Variants in PYCR3 observed in about 807,000 individuals in gnomAD.
PYCR3 encodes pyrroline-5-carboxylate reductase 3, also known as P5C reductase 3.
Under a neutral mutation model 23.4 loss-of-function variants are expected in PYCR3, and 26 were observed. That is an observed-to-expected ratio of 1.11 (90% CI 0.81 to 1.54). The LOEUF is 1.54. Ranked by LOEUF, PYCR3 falls within the 40% of genes most tolerant of loss-of-function variation. The pLI is 0.00. For synonymous variants in PYCR3, 194 were observed against 162.6 expected (o/e 1.19, Z -1.47); for missense variants, 360 against 376.3 (o/e 0.96, Z 0.36).
intron 1 of PYCR3, chr8:143,608,523 G>A (rs933217739): frequency 1.9e-5 from 6 of 321,020 alleles, no homozygotes; most frequent in African/African-American, 6.5e-5. Flanking sequence ...CCCAATCGGG[G>A]CCCAGGTTCT....
chr8:143,608,903 C>T (rs774486312), intron 1 of PYCR3: 1 of 456,838 alleles, frequency 2.2e-6, no homozygotes, highest in South Asian at 1.5e-5. Context: ...AAAAGTCACC[C>T]AGCTCTCCCT....
At position 143,604,809 on chromosome 8, in the gene PYCR3, C is replaced by G; in HGVS notation, c.*891G>C. On this transcript the variant is annotated 3_prime_UTR_variant, in exon 6 of 6. Coordinates refer to ENST00000495276, the MANE Select transcript of PYCR3 (RefSeq NM_023078.6). ...GGACAGGTGGAGGGGCCAAGTCTTG[C>G]CATCAGAGGCCAGTGTGGTGGTGCC... The G allele has an allele frequency of 2.2e-6, 1 of 444,682 alleles. No individual in the cohort carries two copies. The highest frequency in any genetic ancestry group is 2.6e-5 in the Admixed American group (1 of 38,398). The allele number at this position is 444,682 out of a possible 1,614,324, so 27.5% of individuals were successfully genotyped here.
intron 4 of PYCR3, 83 bp from the exon 5 acceptor site, chr8:143,606,237 T>A: frequency 1.5e-6 from 2 of 1,370,270 alleles, no homozygotes; most frequent in South Asian, 1.3e-5. Flanking sequence ...CCCAGAGCAG[T>A]AGCCGTGGGT....
At chr8:143,609,406 C>A in intron 1 of PYCR3, 52 bp downstream of exon 1, 1 of 1,434,898 alleles carries the variant, frequency 7.0e-7, no homozygotes, top group Non-Finnish European at 9.1e-7. Context: ...AGGACACCTC[C>A]CACGGGGCTG....
intron 2 of PYCR3, among the ~76,000 whole-genome samples, chr8:143,607,686 A>G (rs1829441381): frequency 6.6e-6 from 1 of 152,178 alleles, no homozygotes; most frequent in Non-Finnish European, 1.5e-5. Flanking sequence ...ACACACACGC[A>G]CACACATGCA....
rs1014935324 is a variant in PYCR3 at position 143,609,357 on chromosome 8, G to A, written c.91+101C>T. ...GCTGCGCCCAGCGGAGCGGAGACCCGGTTGGCTGGGCCCGCGCCCCCGGCC... is the reference window on the plus strand; with the variant it reads ...GCTGCGCCCAGCGGAGCGGAGACCCAGTTGGCTGGGCCCGCGCCCCCGGCC... On this transcript the variant is annotated intron_variant, in intron 1 of 5. Transcript: ENST00000495276. 1.2e-5 allele frequency: 16 copies of A among 1,297,034 alleles called. No individual in the cohort carries two copies. In the African/African-American group the frequency reaches 1.3e-4, roughly 10 times the overall value. The allele number at this position is 1,297,034 out of a possible 1,614,324, so 80.3% of individuals were successfully genotyped here.
At chr8:143,606,180 G>C (rs755731950) in intron 4 of PYCR3, 26 bp from the exon 5 acceptor site, 66 of 1,583,034 alleles carry the variant, frequency 4.2e-5, no homozygotes, top group Non-Finnish European at 5.3e-5. Flanking sequence ...GGTGGTTGGG[G>C]GGGATAGGTG....
chr8:143,607,762 CACAT>C (rs34360518), intron 2 of PYCR3, among the ~76,000 whole-genome samples: 85,635 of 151,748 alleles, frequency 0.56, 26,272 homozygotes, highest in Non-Finnish European at 0.68. Context: ...CGCACATGAG[CACAT>C]ACATACACAC....
chr8:143,605,716 T>A lies in PYCR3; in HGVS notation c.809A>T (p.Glu270Val), dbSNP rs1253404489. 1 of 1,599,756 alleles carries A rather than the reference T, an allele frequency of 6.3e-7. No homozygotes were observed. The highest frequency in any genetic ancestry group is 1.1e-5 in the South Asian group (1 of 90,656). The change falls in exon 6 of 6, where the codon GAG becomes GTG. Residue 270 changes from glutamate to valine, a missense_variant. Transcript: ENST00000495276. ...GAGCCCAGCCTACTTTCTGCTGAGC[T>A]CCTTGGCCCGGCAGGTGGCAGCCTC... ...AVEAATCRAK[E>V]LSRK is the part of the protein sequence containing the mutation.
intron 1 of PYCR3, 125 bp from the exon 2 acceptor site, chr8:143,608,251 G>T: frequency 1.4e-6 from 1 of 707,116 alleles, no homozygotes; most frequent in Non-Finnish European, 2.4e-6. Flanking sequence ...CCCCCTCCTG[G>T]CCCCAGGAAC....
At position 143,605,740 on chromosome 8, in the gene PYCR3, T is replaced by G; in HGVS notation, c.785A>C (p.Glu262Ala). The change falls in exon 6 of 6, where the codon GAG (glutamate) becomes GCG (alanine). Residue 262 changes from glutamate (E) to alanine (A), a missense_variant. By Grantham distance (107) the Glu-to-Ala change is moderately radical (BLOSUM62 -1). Coordinates refer to ENST00000495276, the MANE Select transcript of PYCR3 (RefSeq NM_023078.6). ...GLRAATMSAVEAATCRAKELS... is the reference protein window; with the variant it reads ...GLRAATMSAVAAATCRAKELS... ...CTCCTTGGCCCGGCAGGTGGCAGCC[T>G]CCACGGCGCTCATGGTGGCTGCTCG... 6.2e-7 allele frequency: 1 copy of G among 1,607,258 alleles called. No individual in the cohort carries two copies. Among genetic ancestry groups the G allele is most frequent in the Non-Finnish European group, 8.5e-7 (1 of 1,175,990 alleles).
Position 143,607,563 on chromosome 8 carries a change from C to A in PYCR3, c.157-431G>T, listed in dbSNP as rs553899087. ...ATGCACTCATGTGTACACGCACGCA[C>A]TCATACACGCACACACGCACTCATA... On this transcript the variant is annotated intron_variant, in intron 2 of 5. Transcript: ENST00000495276. Among the ~76,000 whole-genome samples the A allele has an allele frequency of 2.0e-3, 302 of 152,306 alleles. 2 individuals are homozygous for A. Among genetic ancestry groups the A allele is most frequent in the African/African-American group, 6.9e-3 (285 of 41,560 alleles).
chr8:143,603,449 C>A lies in PYCR3; in HGVS notation c.*2251G>T, dbSNP rs1311401810. On this transcript the variant is annotated 3_prime_UTR_variant, in exon 6 of 6. Transcript: ENST00000495276. ...GCTCCCTGCCGTGCCGAGAACTGAG[C>A]CCGTGTCTTTGTCACAGGCCCTCAC... 2.0e-5 allele frequency among the ~76,000 whole-genome samples: 3 copies of A among 152,232 alleles called. No individual in the cohort carries two copies. Among genetic ancestry groups the A allele is most frequent in the African/African-American group, 7.2e-5 (3 of 41,448 alleles).
rs777264695 is a variant in PYCR3 at position 143,606,115 on chromosome 8, T to G, written c.589A>C (p.Lys197Gln). The G allele has an allele frequency of 5.5e-5, 88 of 1,610,676 alleles. No individual in the cohort carries two copies. Among genetic ancestry groups the G allele is most frequent in the Non-Finnish European group, 7.0e-5 (82 of 1,179,194 alleles). Reference protein sequence around the residue: ...FSEALAEGAVKMGMPSSLAHR... With the variant: ...FSEALAEGAVQMGMPSSLAHR... Reference sequence around the variant, plus strand: ...GCCAGGCTGCTGGGCATGCCCATCTTGACGGCTCCTTCAGCCAGGGCCTCG... The same window carrying G: ...GCCAGGCTGCTGGGCATGCCCATCTGGACGGCTCCTTCAGCCAGGGCCTCG... Residue 197 changes from lysine (K) to glutamine (Q), a missense_variant, in exon 5 of 6, where the codon AAG becomes CAG. By Grantham distance (53) the Lys-to-Gln change is moderately conservative. Transcript: ENST00000495276.
Position 143,603,776 on chromosome 8 carries a change from T to C in PYCR3, c.*1924A>G, listed in dbSNP as rs930767416. ...CATGCCCTACAAAGCCCCCAGGTGA[T>C]GTAGAGGCCTGTAGCAGGCATGGGG... On this transcript the variant is annotated 3_prime_UTR_variant, in exon 6 of 6. Transcript: ENST00000495276. 1.2e-4 allele frequency: 19 copies of C among 152,290 alleles called. No individual in the cohort carries two copies. The highest frequency in any genetic ancestry group is 4.1e-4 in the African/African-American group (17 of 41,552). 9.4% of individuals were successfully genotyped at this position (152,290 alleles called of 1,614,324 possible).
chr8:143,609,409 C>G, intron 1 of PYCR3, 49 bp downstream of exon 1: 6 of 1,435,966 alleles, frequency 4.2e-6, no homozygotes, highest in South Asian at 1.4e-5. Context: ...ACACCTCCCA[C>G]GGGGCTGCTC....
At chr8:143,607,382 A>G (rs549903984) in intron 2 of PYCR3, among the ~76,000 whole-genome samples, 2 of 152,194 alleles carry the variant, frequency 1.3e-5, no homozygotes, top group East Asian at 3.9e-4. Context: ...GTCTGTGACC[A>G]CCACCCAGCA....
chr8:143,606,776 G>A (rs540448492), intron 3 of PYCR3, 97 bp from the exon 4 acceptor site: 10 of 1,372,738 alleles, frequency 7.3e-6, no homozygotes, highest in Middle Eastern at 2.3e-4. Flanking sequence ...GTCAGCTCGC[G>A]GTGGGCTCCA....
At chr8:143,607,805 A>G (rs982948629) in intron 2 of PYCR3, among the ~76,000 whole-genome samples, 4 of 151,982 alleles carry the variant, frequency 2.6e-5, no homozygotes, top group African/African-American at 9.7e-5. Flanking sequence ...ACATATACAC[A>G]CGTGCATATA....
Sources: allele counts gnomAD v4.1 joint callset (sites outside exome capture counted in the v4.1 genomes callset), GRCh38; gene constraint gnomAD v4.1.1; transcripts MANE v1.5; gene names NCBI Gene and HGNC (gene_info 2026-07-23, HGNC 2026-07-21).